The following SLC9C2 variants were observed in gnomAD, a reference collection of about 807,000 sequenced individuals.
The protein encoded by SLC9C2 is sodium/hydrogen exchanger 11.
SLC9C2 carries 75 observed loss-of-function variants against 140.2 expected under a neutral mutation model. The observed-to-expected ratio is 0.53, with a 90% CI of 0.44 to 0.65. SLC9C2 has a LOEUF of 0.65. SLC9C2 is among the 30% of genes least tolerant of loss of function. The pLI is 0.00. For synonymous variants in SLC9C2, 375 were observed against 420.9 expected, an observed-to-expected ratio of 0.89 and a Z score of 1.34; for missense variants, 1,074 against 1,331.8, an observed-to-expected ratio of 0.81 and a Z score of 3.01.
At chr1:173,592,842 A>G (rs992671668) in intron 4 of SLC9C2, among the ~76,000 whole-genome samples, 1 of 152,162 alleles carries the variant, frequency 6.6e-6, no homozygotes. Context: ...TGGATGCCTC[A>G]TCTACAAAGG....
rs1407850854 is a variant in SLC9C2, at chr1:173,500,852, T to C, written c.*242A>G. 3.0e-5 allele frequency: 9 copies of C among 295,408 alleles called. No individual in the cohort carries two copies. Among genetic ancestry groups the C allele is most frequent in the Admixed American group, 2.2e-4 (4 of 18,530 alleles). 18.3% of individuals were successfully genotyped at this position (295,408 alleles called of 1,614,324 possible). On this transcript the variant is annotated 3_prime_UTR_variant, in exon 28 of 28. Transcript: ENST00000367714. The stretch of plus-strand genomic sequence containing the variant: ...ACATATGTTTCAGTGTATTTTATAT[T>C]ATCCTGAAGACTTTTTTAACATCCC...
chr1:173,565,819 A>G (rs1571574787), intron 9 of SLC9C2, among the ~76,000 whole-genome samples: 1 of 152,310 alleles, frequency 6.6e-6, no homozygotes, highest in Middle Eastern at 3.4e-3. Context: ...TTTTAACAAT[A>G]TTGATCCTTC....
chr1:173,527,578 T>C (rs1661296454), intron 18 of SLC9C2, among the ~76,000 whole-genome samples: 1 of 152,226 alleles, frequency 6.6e-6, no homozygotes, highest in African/African-American at 2.4e-5. Flanking sequence ...CAGGTATTTG[T>C]TGGATGCCCA....
In SLC9C2 at chr1:173,587,726, G is replaced by A. The variant is rs1186837877; in HGVS notation, c.462C>T (p.Leu154=). 1 of 1,613,596 alleles carries A rather than the reference G, an allele frequency of 6.2e-7. No homozygotes were observed. Residue 154 remains leucine (L), a synonymous_variant, in exon 5 of 28, where the codon CTC becomes CTT. Transcript: ENST00000367714. ...KDSWDLQSCL[L]FSITLGIIDP... is the part of the protein sequence containing the mutation. The stretch of plus-strand genomic sequence containing the variant: ...CTATAATGCCAAGGGTGATGCTAAA[G>A]AGTAGGCAAGATTGCAAATCCCATG...
intron 5 of SLC9C2, 34 bp from the exon 6 acceptor site, chr1:173,583,656 G>T: frequency 9.4e-7 from 1 of 1,062,774 alleles, no homozygotes; most frequent in Non-Finnish European, 1.4e-6. Flanking sequence ...AACTCAATAT[G>T]CTACATGAAA....
chr1:173,548,863 C>A, intron 11 of SLC9C2, among the ~76,000 whole-genome samples: 1 of 152,180 alleles, frequency 6.6e-6, no homozygotes, highest in East Asian at 1.9e-4. Flanking sequence ...GTAAAGTGTA[C>A]AGGTGGAAGG....
rs1240370190 is a variant in SLC9C2, at chr1:173,503,209, G to A, written c.3371+57C>T. 4 of 1,461,572 alleles carry A rather than the reference G, an allele frequency of 2.7e-6. No homozygotes were observed. In the African/African-American group the frequency reaches 4.2e-5, roughly 15 times the overall value. 90.5% of individuals were successfully genotyped at this position (1,461,572 alleles called of 1,614,324 possible). A position where few individuals can be genotyped will look rare whatever the true frequency, so the allele number is the denominator to read the frequency against. On this transcript the variant is annotated intron_variant, in intron 27 of 27. Coordinates refer to ENST00000367714, the MANE Select transcript of SLC9C2 (RefSeq NM_178527.4). ...TATTTTGCCTCAATTTATTTTAGCT[G>A]TATAGTTCAATATTTGCAATAAGAA...
rs971048409 is a variant in SLC9C2 at position 173,588,524 on chromosome 1, C to T, written c.358-694G>A. ...CCTTTTATTTCTTTATCTATTGTAA[C>T]GTCATATGGTTTTTCTTCTTAAATC... On this transcript the variant is annotated intron_variant, in intron 4 of 27. Coordinates refer to ENST00000367714, the MANE Select transcript of SLC9C2 (RefSeq NM_178527.4). 1.2e-4 allele frequency among the ~76,000 whole-genome samples: 18 copies of T among 152,014 alleles called. 1 individual carries two copies. The highest frequency in any genetic ancestry group is 3.1e-4 in the African/African-American group (13 of 41,408).
At chr1:173,515,679 C>T (rs1181709231) in intron 23 of SLC9C2, among the ~76,000 whole-genome samples, 2 of 152,184 alleles carry the variant, frequency 1.3e-5, no homozygotes, top group Non-Finnish European at 2.9e-5. Flanking sequence ...TCCATCTTGT[C>T]CTCCATCCAG....
chr1:173,562,031 ATTTT>A (rs557125683), intron 9 of SLC9C2, among the ~76,000 whole-genome samples: 1 of 152,110 alleles, frequency 6.6e-6, no homozygotes, highest in Non-Finnish European at 1.5e-5. Flanking sequence ...ATAAAATTTC[ATTTT>A]TTTGAGTACT....
At position 173,547,701 on chromosome 1, in the gene SLC9C2, AG is replaced by A. The variant is rs1662952239; in HGVS notation, c.1544del (p.Ala515ValfsTer5). On this transcript the variant is annotated frameshift_variant, in exon 13 of 28. Coordinates refer to ENST00000367714, the MANE Select transcript of SLC9C2 (RefSeq NM_178527.4). LOFTEE classifies it high-confidence loss of function. ...GAACAGCACCAACCATTTGTATTGC[AG>A]CTACATGCAATCTGGCTTCCTCCAT... is the stretch of plus-strand genomic sequence containing the variant. ...ALMEEARLHVAAIQMSSFEKQ... is the reference protein window; with the variant it reads ...ALMEEARLHVXAIQMSSFEKQ... 6.2e-7 allele frequency: 1 copy of A among 1,610,628 alleles called. No homozygotes were observed. The highest frequency in any genetic ancestry group is 1.1e-5 in the South Asian group (1 of 90,864).
At chr1:173,529,684 G>A (rs571410879) in intron 18 of SLC9C2, among the ~76,000 whole-genome samples, 21 of 150,806 alleles carry the variant, frequency 1.4e-4, no homozygotes, top group African/African-American at 5.1e-4. Context: ...GAGATCATAT[G>A]TTTTCTGCCA....
intron 6 of SLC9C2, among the ~76,000 whole-genome samples, chr1:173,583,258 C>T (rs990684025): frequency 1.3e-5 from 2 of 152,102 alleles, no homozygotes; most frequent in African/African-American, 4.8e-5. Context: ...TACTGTATTG[C>T]ATTTTAATTT....
At position 173,534,648 on chromosome 1, in the gene SLC9C2, C is replaced by G; in HGVS notation, c.1810G>C (p.Val604Leu). 1 of 1,540,330 alleles carries G rather than the reference C, an allele frequency of 6.5e-7. No homozygotes were observed. The highest frequency in any genetic ancestry group is 2.4e-5 in the East Asian group (1 of 41,706). The stretch of plus-strand genomic sequence containing the variant: ...GTATATTCAAATTCTTCAGAAAATA[C>G]TATGTGAAATATAAAAGTCAGAAAT... ...NTFLTFIFHI[V>L]FSEEFEYTGQ... Residue 604 changes from valine (V) to leucine (L), a missense_variant, in exon 16 of 28, where the codon GTA becomes CTA. Coordinates refer to ENST00000367714, the MANE Select transcript of SLC9C2 (RefSeq NM_178527.4).
At chr1:173,583,993 C>A (rs1405480584) in intron 5 of SLC9C2, among the ~76,000 whole-genome samples, 1 of 152,190 alleles carries the variant, frequency 6.6e-6, no homozygotes, top group East Asian at 1.9e-4. Flanking sequence ...AGCAATTCTA[C>A]TCCTAGGTAT....
chr1:173,567,306 T>C (rs1664533935), intron 9 of SLC9C2, among the ~76,000 whole-genome samples: 1 of 152,116 alleles, frequency 6.6e-6, no homozygotes, highest in African/African-American at 2.4e-5. Context: ...TTCTCTCTCT[T>C]TGGCACTAAT....
intron 13 of SLC9C2, among the ~76,000 whole-genome samples, chr1:173,547,004 G>T (rs944483225): frequency 1.3e-5 from 2 of 151,932 alleles, no homozygotes; most frequent in Non-Finnish European, 2.9e-5. Context: ...GGGTACATGA[G>T]GATTTATTAC....
chr1:173,597,082 A>T (rs1666490093), intron 4 of SLC9C2, among the ~76,000 whole-genome samples: 1 of 151,948 alleles, frequency 6.6e-6, no homozygotes, highest in South Asian at 2.1e-4. Flanking sequence ...AGACCCCTAC[A>T]CTCAATAATT....
intron 27 of SLC9C2, 147 bp downstream of exon 27, chr1:173,503,119 A>T (rs1389555454): frequency 1.7e-6 from 1 of 576,234 alleles, no homozygotes; most frequent in Non-Finnish European, 3.0e-6. Context: ...AATGGGGTTT[A>T]TTCTAATTTG....
Sources: allele counts gnomAD v4.1 joint callset (sites outside exome capture counted in the v4.1 genomes callset), GRCh38; gene constraint gnomAD v4.1.1; transcripts MANE v1.5; gene names NCBI Gene and HGNC (gene_info 2026-07-23, HGNC 2026-07-21).